The following LIMS1 variants were observed in gnomAD, a reference collection of about 807,000 sequenced individuals.
The protein encoded by LIMS1 is LIM and senescent cell antigen-like-containing domain protein 1.
Under a neutral mutation model 44.1 loss-of-function variants are expected in LIMS1, and 18 were observed. The observed-to-expected ratio is 0.41, with a 90% CI of 0.28 to 0.61. The LOEUF is 0.61. Ranked by LOEUF, LIMS1 falls within the 20% of genes least tolerant of loss-of-function variation. The probability of loss-of-function intolerance (pLI) is 0.32; values close to 1 mark genes in which losing one functional copy is unlikely to be tolerated. For synonymous variants in LIMS1, 93 were observed against 149.1 expected (o/e 0.62, Z 2.74); for missense variants, 201 against 422.0 (o/e 0.48, Z 4.59).
rs759827869 is a variant in LIMS1 at position 108,583,700 on chromosome 2, C to CTTTTTTTTTTTTTTT, written c.32+49120_32+49121insTTTTTTTTTTTTTTT. Reference sequence around the variant, plus strand: ...TCCTGTTATTTTGTTGTTGCTGTTTCTTTTTTTTTTTTTTGAGATGGAGTC... The same window carrying CTTTTTTTTTTTTTTT: ...TCCTGTTATTTTGTTGTTGCTGTTTCTTTTTTTTTTTTTTTTTTTTTTTTTTTTTGAGATGGAGTC... On this transcript the variant is annotated intron_variant, in intron 1 of 9. Coordinates refer to ENST00000544547, the Ensembl canonical transcript of LIMS1. Among the ~76,000 whole-genome samples the CTTTTTTTTTTTTTTT allele has an allele frequency of 1.3e-4, 17 of 129,868 alleles. 2 individuals carry two copies. The highest frequency in any genetic ancestry group is 2.8e-4 in the African/African-American group (10 of 35,742). 85.2% of individuals were successfully genotyped at this position (129,868 alleles called of 152,430 possible).
At chr2:108,664,006 G>A (rs1424206259) in intron 2 of LIMS1, among the ~76,000 whole-genome samples, 3 of 152,066 alleles carry the variant, frequency 2.0e-5, no homozygotes, top group Non-Finnish European at 2.9e-5. Flanking sequence ...CGCTCGCCTC[G>A]TTCTCCCAAA....
chr2:108,647,191 G>C (rs1028847042), intron 1 of LIMS1, among the ~76,000 whole-genome samples: 2 of 152,134 alleles, frequency 1.3e-5, no homozygotes, highest in Non-Finnish European at 2.9e-5. Flanking sequence ...AAACACCTCT[G>C]CACAAATAAA....
At chr2:108,609,832 G>GT (rs200887957) in intron 1 of LIMS1, among the ~76,000 whole-genome samples, 10 of 151,574 alleles carry the variant, frequency 6.6e-5, no homozygotes, top group Non-Finnish European at 5.9e-5. Flanking sequence ...CACGGTTGAA[G>GT]TTTTTTTTTA....
chr2:108,559,174 A>G (rs1685029294), intron 1 of LIMS1, among the ~76,000 whole-genome samples: 1 of 152,170 alleles, frequency 6.6e-6, no homozygotes, highest in African/African-American at 2.4e-5. Context: ...CAGAGTTTGC[A>G]CATAAAGTTC....
At chr2:108,672,165 CAAAAAAAA>C (rs559219796) in intron 3 of LIMS1, among the ~76,000 whole-genome samples, 152 bp from the exon 4 acceptor site, 4 of 56,830 alleles carry the variant, frequency 7.0e-5, no homozygotes, top group Non-Finnish European at 1.1e-4. Context: ...GAAACTGTCT[CAAAAAAAA>C]AAAAAAAAAA....
intron 1 of LIMS1, among the ~76,000 whole-genome samples, chr2:108,569,764 C>CTTTTTTTTTTTTTTTTTTTTT (rs10596766): frequency 9.4e-4 from 106 of 113,108 alleles, no homozygotes; most frequent in African/African-American, 3.4e-3. Flanking sequence ...CCATATCTGG[C>CTTTTTTTTTTTTTTTTTTTTT]TTTTTTTTTT....
intron 1 of LIMS1, among the ~76,000 whole-genome samples, chr2:108,610,403 C>T (rs1461679981): frequency 6.6e-6 from 1 of 151,866 alleles, no homozygotes; most frequent in African/African-American, 2.4e-5. Flanking sequence ...TACTCATCAC[C>T]CACACTTCTT....
chr2:108,574,221 T>A (rs982845463), intron 1 of LIMS1, among the ~76,000 whole-genome samples: 3 of 152,172 alleles, frequency 2.0e-5, no homozygotes, highest in Non-Finnish European at 4.4e-5. Context: ...GAAATTTCTC[T>A]AGGGGACATG....
At chr2:108,685,232 G>A (rs1693238658) in exon 10 of LIMS1, 5 of 152,092 alleles carry the variant, frequency 3.3e-5, no homozygotes, top group Admixed American at 2.6e-4. Context: ...AAATTGGAAG[G>A]AGGGGTGTTT....
chr2:108,562,338 G>T (rs1685152925), intron 1 of LIMS1, among the ~76,000 whole-genome samples: 1 of 152,220 alleles, frequency 6.6e-6, no homozygotes, highest in Admixed American at 6.5e-5. Flanking sequence ...GCTTAGTGAG[G>T]AAGGCATGTT....
chr2:108,558,917 C>A (rs867052341), intron 1 of LIMS1, among the ~76,000 whole-genome samples: 1 of 151,388 alleles, frequency 6.6e-6, no homozygotes, highest in Non-Finnish European at 1.5e-5. Context: ...GTGATCCACC[C>A]GCCTTGGTCT....
intron 1 of LIMS1, among the ~76,000 whole-genome samples, chr2:108,576,449 G>A (rs1685672381): frequency 6.6e-6 from 1 of 152,132 alleles, no homozygotes; most frequent in South Asian, 2.1e-4. Flanking sequence ...CACCCAGGCT[G>A]GAGTGCAGTG....
At chr2:108,684,750 AATGTAT>A (rs1359586248) in exon 10 of LIMS1, 1 of 152,112 alleles carries the variant, frequency 6.6e-6, no homozygotes, top group Non-Finnish European at 1.5e-5. Context: ...AAGTATTTTT[AATGTAT>A]TACAGCAATT....
At position 108,590,698 on chromosome 2, in the gene LIMS1, C is replaced by T. The variant is rs148718511; in HGVS notation, c.32+56104C>T. 8.5e-5 allele frequency among the ~76,000 whole-genome samples: 13 copies of T among 152,274 alleles called. No homozygotes were observed. The East Asian group carries it at 1.2e-3, about 14-fold the overall frequency. ...GTTCTAGGCACAGTTGGCAACAGCT[C>T]GAGCAAAGGTTTGCAGGTCAGTGTT... On this transcript the variant is annotated intron_variant, in intron 1 of 9. Transcript: ENST00000544547.
chr2:108,548,597 A>G lies in LIMS1; in HGVS notation c.32+14003A>G, dbSNP rs1041796178. 3.3e-5 allele frequency among the ~76,000 whole-genome samples: 5 copies of G among 152,218 alleles called. No homozygotes were observed. In the South Asian group the frequency reaches 6.2e-4, roughly 19 times the overall value. ...GCTTAATTTTAATACAGAACTGTCT[A>G]TTGAGTTTGATGAAAAACAAAACAA... On this transcript the variant is annotated intron_variant, in intron 1 of 9. Coordinates refer to ENST00000544547, the Ensembl canonical transcript of LIMS1.
At chr2:108,664,827 A>G (rs1475348449) in intron 2 of LIMS1, among the ~76,000 whole-genome samples, 4 of 152,124 alleles carry the variant, frequency 2.6e-5, no homozygotes, top group Non-Finnish European at 5.9e-5. Context: ...AGAGATTTGC[A>G]GGATGAATGG....
intron 1 of LIMS1, among the ~76,000 whole-genome samples, chr2:108,560,382 C>T (rs578051345): frequency 2.5e-4 from 38 of 152,176 alleles, no homozygotes; most frequent in African/African-American, 8.4e-4. Context: ...GTGTTTGGCC[C>T]CCTGCTGCCC....
intron 1 of LIMS1, among the ~76,000 whole-genome samples, chr2:108,637,097 ATATGTGTGTGTGTG>A (rs1233333636): frequency 9.1e-5 from 12 of 132,128 alleles, no homozygotes; most frequent in East Asian, 8.6e-4. Context: ...AAATATACAT[ATATGTGTGTGTGTG>A]TGTGTGTGTG....
chr2:108,579,939 G>A (rs1685823451), intron 1 of LIMS1, among the ~76,000 whole-genome samples: 1 of 152,230 alleles, frequency 6.6e-6, no homozygotes, highest in Non-Finnish European at 1.5e-5. Flanking sequence ...GTTGAGATGT[G>A]ACAGGCAGAT....
Sources: gnomAD v4.1 joint callset for allele counts (sites outside exome capture counted in the v4.1 genomes callset) on GRCh38, gnomAD v4.1.1 for gene constraint, MANE v1.5 for transcripts, NCBI Gene and HGNC (gene_info 2026-07-23, HGNC 2026-07-21) for gene names.